ELP4: variants seen among roughly 807,000 people sequenced by gnomAD.
ELP4 encodes elongator complex protein 4.
Under a neutral mutation model 48.9 loss-of-function variants are expected in ELP4, and 51 were observed. The ratio of observed to expected loss-of-function variants is 1.04; its 90% CI spans 0.83 to 1.32. The LOEUF (loss-of-function observed/expected upper bound fraction) is 1.32, where lower values mean the gene tolerates loss of function less well. ELP4 is among the 40% of genes most tolerant of loss of function. The pLI is 0.00. For missense variants in ELP4, 519 were observed against 514.6 expected, an observed-to-expected ratio of 1.01 and a Z score of -0.08; for synonymous variants, 210 against 189.2, an observed-to-expected ratio of 1.11 and a Z score of -0.90.
In ELP4 at chr11:31,789,706, A is replaced by T; in HGVS notation, c.*6182A>T. ...TACACCAAAATGAATAAAAGTTTGG[A>T]TACCAAAATGAAGATTTGTTCCAAC... is the stretch of plus-strand genomic sequence containing the variant. On this transcript the variant is annotated 3_prime_UTR_variant, in exon 10 of 10. Coordinates refer to ENST00000640961, the MANE Select transcript of ELP4 (RefSeq NM_019040.5). 1.4e-6 allele frequency: 1 copy of T among 703,362 alleles called. No individual in the cohort carries two copies. The highest frequency in any genetic ancestry group is 1.5e-5 in the South Asian group (1 of 67,252). 43.6% of individuals were successfully genotyped at this position (703,362 alleles called of 1,614,324 possible).
chr11:31,576,216 G>A lies in ELP4; in HGVS notation c.382-18554G>A, dbSNP rs934947551. On this transcript the variant is annotated intron_variant, in intron 3 of 9. Coordinates refer to ENST00000640961, the MANE Select transcript of ELP4 (RefSeq NM_019040.5). The stretch of plus-strand genomic sequence containing the variant: ...AGAAGGCCATTGCATAACGGTAAAG[G>A]TATCAATTCAACAAGAAGAGCTAAC... 2.0e-5 allele frequency among the ~76,000 whole-genome samples: 3 copies of A among 152,122 alleles called. No homozygotes were observed. The East Asian group carries it at 5.8e-4, about 29-fold the overall frequency.
At position 31,790,110 on chromosome 11, in the gene ELP4, A is replaced by AAC; in HGVS notation, c.*6587_*6588insCA. 2.5e-6 allele frequency: 2 copies of AAC among 799,180 alleles called. No individual in the cohort carries two copies. Among genetic ancestry groups the AAC allele is most frequent in the African/African-American group, 1.8e-5 (1 of 54,916 alleles). 49.5% of individuals were successfully genotyped at this position (799,180 alleles called of 1,614,324 possible). On this transcript the variant is annotated 3_prime_UTR_variant, in exon 10 of 10. Transcript: ENST00000640961. ...TTTATAGGTTTACAAAAAAAAAAAA[A>AAC]AAAAAAAAAACTAATACTTTCTAAC...
intron 9 of ELP4, among the ~76,000 whole-genome samples, chr11:31,754,425 T>A (rs1273174646): frequency 6.6e-6 from 1 of 152,136 alleles, no homozygotes; most frequent in Non-Finnish European, 1.5e-5. Context: ...CCAACCATGT[T>A]CTTACTTCAG....
chr11:31,713,656 C>A (rs1946785649), intron 9 of ELP4, among the ~76,000 whole-genome samples: 1 of 152,106 alleles, frequency 6.6e-6, no homozygotes. Flanking sequence ...GAGGTAAACT[C>A]AATTCCACCA....
chr11:31,722,871 G>T (rs1407529309), intron 9 of ELP4, among the ~76,000 whole-genome samples: 1 of 152,160 alleles, frequency 6.6e-6, no homozygotes, highest in East Asian at 1.9e-4. Context: ...CAGCCCATTA[G>T]GTATCAGGTT....
At chr11:31,584,513 T>C (rs1319424938) in intron 3 of ELP4, among the ~76,000 whole-genome samples, 1 of 152,006 alleles carries the variant, frequency 6.6e-6, no homozygotes, top group Non-Finnish European at 1.5e-5. Context: ...TATAGTTTTT[T>C]TGTTTTGTTT....
chr11:31,759,208 T>C (rs894182824), intron 9 of ELP4, among the ~76,000 whole-genome samples: 1 of 152,208 alleles, frequency 6.6e-6, no homozygotes, highest in African/African-American at 2.4e-5. Flanking sequence ...TCCAAAGTAA[T>C]TAATTTACAA....
In ELP4 at chr11:31,783,635, C is replaced by A; in HGVS notation, c.*111C>A. 1 of 1,010,676 alleles carries A rather than the reference C, an allele frequency of 9.9e-7. No homozygotes were observed. The highest frequency in any genetic ancestry group is 1.6e-5 in the African/African-American group (1 of 61,744). The allele number at this position is 1,010,676 out of a possible 1,614,324, so 62.6% of individuals were successfully genotyped here. On this transcript the variant is annotated 3_prime_UTR_variant, in exon 10 of 10. Transcript: ENST00000640961. ...ATTTGACCCTCCACTCCTTGAAAAA[C>A]ACAGGATTATAAAATGGTGCCGCCA... is the stretch of plus-strand genomic sequence containing the variant.
intron 2 of ELP4, among the ~76,000 whole-genome samples, chr11:31,538,107 G>C (rs1313270616): frequency 6.6e-6 from 1 of 151,646 alleles, no homozygotes. Context: ...TTTAATTGCA[G>C]GTGGGATTTC....
At chr11:31,609,348 T>A (rs1311129532) in intron 5 of ELP4, among the ~76,000 whole-genome samples, 2 of 152,116 alleles carry the variant, frequency 1.3e-5, no homozygotes, top group East Asian at 3.9e-4. Flanking sequence ...CTTGTGGGGT[T>A]TGAGGGCCAT....
rs373019919 is a variant in ELP4 at position 31,603,539 on chromosome 11, C to T, written c.514-229C>T. Among the ~76,000 whole-genome samples the T allele has an allele frequency of 4.4e-4, 67 of 151,416 alleles. 1 individual carries two copies. In the East Asian group the frequency reaches 8.1e-3, roughly 18 times the overall value. Reference sequence around the variant, plus strand: ...AATTCTTGTCAAATTTAGAGAACCACTAGAAGTGAAGAAACATGAAAGATA... The same window carrying T: ...AATTCTTGTCAAATTTAGAGAACCATTAGAAGTGAAGAAACATGAAAGATA... On this transcript the variant is annotated intron_variant, in intron 4 of 9. Transcript: ENST00000640961.
chr11:31,741,858 C>T (rs998796088), intron 9 of ELP4, among the ~76,000 whole-genome samples: 3 of 152,148 alleles, frequency 2.0e-5, no homozygotes, highest in Admixed American at 1.3e-4. Context: ...TGCAAAGGAA[C>T]GCAGCTCCTC....
At chr11:31,521,939 C>T (rs943588353) in intron 2 of ELP4, among the ~76,000 whole-genome samples, 2 of 152,092 alleles carry the variant, frequency 1.3e-5, no homozygotes, top group African/African-American at 4.8e-5. Context: ...TGTGAAGTAC[C>T]TGCCAACTTC....
At position 31,788,939 on chromosome 11, in the gene ELP4, G is replaced by A. The variant is rs1022157024; in HGVS notation, c.*5415G>A. The A allele has an allele frequency of 4.5e-5, 9 of 200,092 alleles. No individual in the cohort carries two copies. The highest frequency in any genetic ancestry group is 2.1e-4 in the African/African-American group (9 of 43,558). The allele number at this position is 200,092 out of a possible 1,614,324, so 12.4% of individuals were successfully genotyped here. ...GTTAAAAAGAAAACTGTATAATAAA[G>A]GAAATACAAAGGCTTTGGCATGGTT... On this transcript the variant is annotated 3_prime_UTR_variant, in exon 10 of 10. Transcript: ENST00000640961.
chr11:31,760,022 G>C (rs556789816), intron 9 of ELP4, among the ~76,000 whole-genome samples: 1 of 152,116 alleles, frequency 6.6e-6, no homozygotes, highest in Non-Finnish European at 1.5e-5. Flanking sequence ...CTGATTACCA[G>C]CTTGAATAGT....
chr11:31,777,672 T>TC (rs1948278564), intron 9 of ELP4, among the ~76,000 whole-genome samples: 1 of 152,186 alleles, frequency 6.6e-6, no homozygotes, highest in African/African-American at 2.4e-5. Flanking sequence ...AAGTGATGTG[T>TC]CCAACTTTCA....
intron 3 of ELP4, among the ~76,000 whole-genome samples, chr11:31,579,208 AG>A (rs1257724613): frequency 6.6e-6 from 1 of 152,228 alleles, no homozygotes; most frequent in East Asian, 1.9e-4. Context: ...TGGCCATCAG[AG>A]AAATGCAAAT....
chr11:31,512,135 T>C (rs975195089), intron 1 of ELP4: 4 of 152,198 alleles, frequency 2.6e-5, no homozygotes, highest in African/African-American at 9.6e-5. Context: ...GAAAATGTTA[T>C]TTGACTCAAG....
At chr11:31,780,559 C>T (rs1212911715) in intron 9 of ELP4, 2 of 152,038 alleles carry the variant, frequency 1.3e-5, no homozygotes, top group Non-Finnish European at 1.5e-5. Flanking sequence ...ATCATATTAC[C>T]CCTAAATTTT....
Sources: gnomAD v4.1 joint callset for allele counts (sites outside exome capture counted in the v4.1 genomes callset) on GRCh38, gnomAD v4.1.1 for gene constraint, MANE v1.5 for transcripts, NCBI Gene and HGNC (gene_info 2026-07-23, HGNC 2026-07-21) for gene names.